The following SNAPC4 variants were observed in gnomAD, a reference collection of about 807,000 sequenced individuals.
SNAPC4 encodes snRNA-activating protein complex subunit 4.
A neutral mutation model predicts 151.3 loss-of-function variants in SNAPC4; 127 were observed. That is an observed-to-expected ratio of 0.84 (90% confidence interval 0.73 to 0.97). SNAPC4 has a LOEUF of 0.97. Among genes scored for constraint, SNAPC4 ranks in the 50% least tolerant of loss-of-function variants. SNAPC4 has a pLI of 0.00. For synonymous variants in SNAPC4, 1,002 were observed against 824.4 expected (o/e 1.22, Z -3.69); for missense variants, 2,186 against 1,935.0 (o/e 1.13, Z -2.43).
Position 136,383,409 on chromosome 9 carries a change from G to A in SNAPC4, c.1760C>T (p.Ala587Val). 1.3e-6 allele frequency: 2 copies of A among 1,572,322 alleles called. No individual in the cohort carries two copies. Among genetic ancestry groups the A allele is most frequent in the Non-Finnish European group, 1.7e-6 (2 of 1,158,790 alleles). Residue 587 changes from alanine (A) to valine (V), a missense_variant, in exon 16 of 24, where the codon GCA becomes GTA. Transcript: ENST00000684778. This position sits in a 1 kb window ranked among gnomAD's most constrained non-coding sequence, Gnocchi z 4.2. ...QSTSQPWRGG[A>V]GAWLGGPAAS... ...AGCGGGGCCTCCCAGCCAGGCCCCT[G>A]CCCCTCCTCTCCATGGCTGGCTGGT...
Position 136,379,219 on chromosome 9 carries a change from G to A in SNAPC4, c.2608C>T (p.Arg870Trp), listed in dbSNP as rs761708845. 18 of 1,611,778 alleles carry A rather than the reference G, an allele frequency of 1.1e-5. No homozygotes were observed. The highest frequency in any genetic ancestry group is 4.5e-5 in the East Asian group (2 of 44,876). The part of the protein sequence containing the change: ...HKGSRRLASS[R>W]VERTLPQASL... Reference sequence around the variant, plus strand: ...GCCTGGGGTAGGGTGCGCTCCACCCGGCTGGACGCCAGTCTTCGGCTCCCT... The same window carrying A: ...GCCTGGGGTAGGGTGCGCTCCACCCAGCTGGACGCCAGTCTTCGGCTCCCT... Residue 870 changes from arginine to tryptophan, a missense_variant, in exon 22 of 24, where the codon CGG becomes TGG. Arg to Trp is a moderately radical substitution (Grantham distance 101). Coordinates refer to ENST00000684778, the MANE Select transcript of SNAPC4 (RefSeq NM_003086.4).
In SNAPC4 at chr9:136,378,310, A is replaced by C; in HGVS notation, c.3517T>G (p.Phe1173Val). The C allele has an allele frequency of 6.2e-7, 1 of 1,604,122 alleles. No individual in the cohort carries two copies. Among genetic ancestry groups the C allele is most frequent in the Non-Finnish European group, 8.5e-7 (1 of 1,175,974 alleles). Residue 1173 changes from phenylalanine to valine, a missense_variant, in exon 22 of 24, where the codon TTT (phenylalanine) becomes GTT (valine). Coordinates refer to ENST00000684778, the MANE Select transcript of SNAPC4 (RefSeq NM_003086.4). ...SPAEADGSVAFVPGEAQVARE... is the reference protein window; with the variant it reads ...SPAEADGSVAVVPGEAQVARE... ...GCCACCTGGGCCTCTCCAGGGACAA[A>C]GGCCACACTGCCATCCGCTTCTGCA... is the stretch of plus-strand genomic sequence containing the variant.
At chr9:136,386,026 A>G (rs1399405680) in intron 13 of SNAPC4, among the ~76,000 whole-genome samples, 1 of 152,128 alleles carries the variant, frequency 6.6e-6, no homozygotes, top group Non-Finnish European at 1.5e-5. Context: ...ATGCTTATCA[A>G]TCTTGGGGGT....
In SNAPC4 at chr9:136,395,638, C is replaced by T. The variant is rs201847702; in HGVS notation, c.310G>A (p.Ala104Thr). The change falls in exon 4 of 24, where the codon GCC (alanine) becomes ACC (threonine). Residue 104 changes from alanine to threonine, a missense_variant. By Grantham distance (58) the Ala-to-Thr change is moderately conservative (BLOSUM62 0). Transcript: ENST00000684778. The stretch of plus-strand genomic sequence containing the variant: ...CGGTTCTGGGCCAGCAGCAGGTTGG[C>T]CTCAGCCAGCTTCTCCTGGATGACC... ...QEVIQEKLAE[A>T]NLLLAQNREQ... is the part of the protein sequence containing the mutation. The T allele has an allele frequency of 5.4e-5, 87 of 1,612,606 alleles. No individual in the cohort carries two copies. Among genetic ancestry groups the T allele is most frequent in the Non-Finnish European group, 5.5e-5 (65 of 1,179,852 alleles).
At chr9:136,376,835 A>G (rs1833463965) in intron 22 of SNAPC4, among the ~76,000 whole-genome samples, 1 of 152,068 alleles carries the variant, frequency 6.6e-6, no homozygotes, top group African/African-American at 2.4e-5. Flanking sequence ...TTCCTCCCAC[A>G]CTTCAGCCCA....
rs115344177 is a variant in SNAPC4, at chr9:136,392,513, C to G, written c.810+9G>C. 3 of 1,613,466 alleles carry G rather than the reference C, an allele frequency of 1.9e-6. No homozygotes were observed. Among genetic ancestry groups the G allele is most frequent in the Non-Finnish European group, 2.5e-6 (3 of 1,179,896 alleles). On this transcript the variant is annotated intron_variant, in intron 9 of 23. Coordinates refer to ENST00000684778, the MANE Select transcript of SNAPC4 (RefSeq NM_003086.4). Reference sequence around the variant, plus strand: ...AGCTGCTTGGGGCTCAGACCTGCCCCTGACTTACGTTAATATTGGAAATCT... The same window carrying G: ...AGCTGCTTGGGGCTCAGACCTGCCCGTGACTTACGTTAATATTGGAAATCT...
chr9:136,385,350 C>T (rs2131481010), intron 13 of SNAPC4, among the ~76,000 whole-genome samples: 1 of 152,352 alleles, frequency 6.6e-6, no homozygotes, highest in East Asian at 1.9e-4. Context: ...AATGGTTCAA[C>T]CTCTTTGGGA....
intron 3 of SNAPC4, 115 bp from the exon 4 acceptor site, chr9:136,395,885 C>T (rs769788365): frequency 2.2e-5 from 23 of 1,040,190 alleles, no homozygotes; most frequent in African/African-American, 3.2e-5. Flanking sequence ...TCTGGCATAG[C>T]AACACCCAAT....
rs1833709579 is a variant in SNAPC4 at position 136,381,942 on chromosome 9, G to GT, written c.2198dup (p.His733GlnfsTer307). Reference sequence around the variant, plus strand: ...GGTTCAGGAGCCTCCGGTGCAGAGCGTGTCTCCAGCGCCGCTGCCCACTCT... The same window carrying GT: ...GGTTCAGGAGCCTCCGGTGCAGAGCGTTGTCTCCAGCGCCGCTGCCCACTCT... On this transcript the variant is annotated frameshift_variant, in exon 18 of 24. Transcript: ENST00000684778. LOFTEE classifies it high-confidence loss of function. The GT allele has an allele frequency of 2.5e-6, 4 of 1,612,604 alleles. No individual in the cohort carries two copies. The highest frequency in any genetic ancestry group is 3.4e-6 in the Non-Finnish European group (4 of 1,179,992).
intron 6 of SNAPC4, 68 bp from the exon 7 acceptor site, chr9:136,394,398 G>C (rs117809843): frequency 2.3e-5 from 33 of 1,407,174 alleles, no homozygotes; most frequent in Non-Finnish European, 3.3e-5. Flanking sequence ...CCCACGGTTG[G>C]TGTGCACTTC....
rs1833498463 is a variant in SNAPC4 at position 136,377,615 on chromosome 9, G to A, written c.4212C>T (p.Asp1404=). 6.4e-7 allele frequency: 1 copy of A among 1,564,836 alleles called. No individual in the cohort carries two copies. The highest frequency in any genetic ancestry group is 1.2e-5 in the South Asian group (1 of 85,616). ...CTGCAAGTTCCAGCTCACTCAGGAGGTCTTCATCCTCACTCTCAGAGCCCA... is the reference window on the plus strand; with the variant it reads ...CTGCAAGTTCCAGCTCACTCAGGAGATCTTCATCCTCACTCTCAGAGCCCA... The part of the protein sequence containing the change: ...SRVGSESEDE[D]LLSELELADR... Residue 1404 remains aspartate (D), a synonymous_variant, in exon 22 of 24, where the codon GAC becomes GAT. Coordinates refer to ENST00000684778, the MANE Select transcript of SNAPC4 (RefSeq NM_003086.4).
chr9:136,393,640 C>T (rs996095115), intron 7 of SNAPC4, among the ~76,000 whole-genome samples: 3 of 151,452 alleles, frequency 2.0e-5, no homozygotes, highest in East Asian at 1.9e-4. Flanking sequence ...CCGTGTGGAC[C>T]GACCCCATGC....
intron 13 of SNAPC4, 102 bp downstream of exon 13, chr9:136,387,383 A>T: frequency 1.2e-6 from 1 of 846,360 alleles, no homozygotes; most frequent in Non-Finnish European, 2.0e-6. Flanking sequence ...TCCCTCGCCC[A>T]GCGCTGGCCG....
intron 22 of SNAPC4, 23 bp downstream of exon 22, chr9:136,377,520 G>C: frequency 6.7e-7 from 1 of 1,501,396 alleles, no homozygotes; most frequent in Non-Finnish European, 8.9e-7. Context: ...CCATGGGGAA[G>C]TGGGGCTGGG....
Position 136,378,557 on chromosome 9 carries a change from TACAGGA to T in SNAPC4, c.3264_3269del (p.Val1090_Pro1091del), listed in dbSNP as rs1282615980. The T allele has an allele frequency of 6.3e-7, 1 of 1,592,878 alleles. No homozygotes were observed. Among genetic ancestry groups the T allele is most frequent in the African/African-American group, 1.3e-5 (1 of 74,746 alleles). On this transcript the variant is annotated inframe_deletion, in exon 22 of 24. Coordinates refer to ENST00000684778, the MANE Select transcript of SNAPC4 (RefSeq NM_003086.4). ...GCCTGGGAAGGCTCACCACAGCTGG[TACAGGA>T]ACAGGGAGAAGCCCCTGGGCTGTGA...
Position 136,379,267 on chromosome 9 carries a change from C to T in SNAPC4, c.2560G>A (p.Ala854Thr), listed in dbSNP as rs1182219426. Residue 854 changes from alanine to threonine, a missense_variant, in exon 22 of 24, where the codon GCC becomes ACC. By Grantham distance (58) the Ala-to-Thr change is moderately conservative. Transcript: ENST00000684778. ...CCTTTGTGGCTGGCACTCTTTGAGG[C>T]TTCTTGAGCCGGCACGTTTGGGAAG... ...HLFPNVPAQE[A>T]SKSASHKGSR... 2 of 1,612,502 alleles carry T rather than the reference C, an allele frequency of 1.2e-6. No individual in the cohort carries two copies. Among genetic ancestry groups the T allele is most frequent in the Non-Finnish European group, 1.7e-6 (2 of 1,179,962 alleles).
chr9:136,397,726 A>AGAGCACTTGGGGTGGG (rs1306834890), intron 2 of SNAPC4, among the ~76,000 whole-genome samples: 1 of 36,682 alleles, frequency 2.7e-5, no homozygotes, highest in Admixed American at 3.5e-4. Flanking sequence ...CGTGGGGAGG[A>AGAGCACTTGGGGTGGG]GAGCACTTGG....
chr9:136,396,447 C>T (rs1038271007), intron 3 of SNAPC4, among the ~76,000 whole-genome samples: 1 of 152,204 alleles, frequency 6.6e-6, no homozygotes, highest in Non-Finnish European at 1.5e-5. Context: ...GACAGGGTCT[C>T]ACTCCATCAC....
At chr9:136,380,397 G>A (rs1020507664) in intron 20 of SNAPC4, among the ~76,000 whole-genome samples, 13 of 152,216 alleles carry the variant, frequency 8.5e-5, no homozygotes, top group African/African-American at 1.2e-4. Context: ...CCCAGGTGAC[G>A]GGGCTCAAGG....
Sources: allele counts gnomAD v4.1 joint callset (sites outside exome capture counted in the v4.1 genomes callset), GRCh38; gene constraint gnomAD v4.1.1; non-coding constraint Gnocchi (gnomAD v3.1); transcripts MANE v1.5; gene names NCBI Gene and HGNC (gene_info 2026-07-23, HGNC 2026-07-21).